IQSEC1: variants seen among roughly 807,000 people sequenced by gnomAD.
IQSEC1 encodes the protein IQ motif and SEC7 domain-containing protein 1.
Under a neutral mutation model 91.0 loss-of-function variants are expected in IQSEC1, and 31 were observed. The observed-to-expected ratio is 0.34, with a 90% confidence interval of 0.26 to 0.46. The LOEUF is 0.46. Ranked by LOEUF, IQSEC1 falls within the 20% of genes least tolerant of loss-of-function variation. The probability of loss-of-function intolerance (pLI) is 1.00; values close to 1 mark genes in which losing one functional copy is unlikely to be tolerated. For missense variants in IQSEC1, 1,388 were observed against 1,575.6 expected (o/e 0.88, Z 2.02); for synonymous variants, 699 against 662.6 (o/e 1.05, Z -0.84).
intron 2 of IQSEC1, among the ~76,000 whole-genome samples, chr3:13,085,337 C>T (rs939818607): frequency 6.6e-6 from 1 of 152,110 alleles, no homozygotes; most frequent in African/African-American, 2.4e-5. Context: ...CTTATCAGAG[C>T]TGCCTGGTGA....
At chr3:13,265,916 CAAAAAA>C (rs34132019) in intron 1 of IQSEC1, among the ~76,000 whole-genome samples, 4 of 110,802 alleles carry the variant, frequency 3.6e-5, no homozygotes, top group African/African-American at 1.4e-4. Context: ...TGCTTTATTG[CAAAAAA>C]AAAAAAAAAA....
chr3:13,065,928 C>T (rs945218808), intron 1 of IQSEC1, among the ~76,000 whole-genome samples: 1 of 152,222 alleles, frequency 6.6e-6, no homozygotes, highest in East Asian at 1.9e-4. Context: ...TGCCCATTGC[C>T]GCAGCAGGGA....
chr3:13,222,117 T>C (rs1694671125), intron 1 of IQSEC1, among the ~76,000 whole-genome samples: 1 of 152,068 alleles, frequency 6.6e-6, no homozygotes, highest in African/African-American at 2.4e-5. Flanking sequence ...ACTGAAACTC[T>C]GCCCCATGAA....
intron 1 of IQSEC1, among the ~76,000 whole-genome samples, chr3:13,036,411 G>A (rs1021806312): frequency 1.3e-5 from 2 of 152,142 alleles, no homozygotes; most frequent in African/African-American, 4.8e-5. Context: ...AAGCCACTTA[G>A]CACATATAAA....
chr3:13,261,487 A>T (rs1025049401), intron 1 of IQSEC1, among the ~76,000 whole-genome samples: 3 of 151,964 alleles, frequency 2.0e-5, no homozygotes, highest in African/African-American at 7.3e-5. Context: ...CCCCTTTCAC[A>T]CAAATCCCAT....
intron 1 of IQSEC1, among the ~76,000 whole-genome samples, chr3:13,213,718 G>T (rs753048960): frequency 6.6e-6 from 1 of 152,144 alleles, no homozygotes; most frequent in Admixed American, 6.5e-5. Context: ...ACATGACCGG[G>T]CCAGTGTGAG....
At chr3:13,054,987 G>A (rs1376065662) in intron 1 of IQSEC1, among the ~76,000 whole-genome samples, 1 of 152,236 alleles carries the variant, frequency 6.6e-6, no homozygotes, top group Non-Finnish European at 1.5e-5. Flanking sequence ...ACTGGCTGAC[G>A]CCCGCCTGTC....
In IQSEC1 at chr3:12,897,253, T is replaced by G. The variant is rs548940540; in HGVS notation, c.*3730A>C. 2 of 152,362 alleles carry G rather than the reference T, an allele frequency of 1.3e-5. No individual in the cohort carries two copies. Among genetic ancestry groups the G allele is most frequent in the South Asian group, 2.1e-4 (1 of 4,832 alleles). 9.4% of individuals were successfully genotyped at this position (152,362 alleles called of 1,614,324 possible). On this transcript the variant is annotated 3_prime_UTR_variant, in exon 14 of 14. Coordinates refer to ENST00000613206, the MANE Select transcript of IQSEC1 (RefSeq NM_001134382.3). ...AAAGGATTTATTTGATTTCCCCACA[T>G]GATCACAACCATGGTTTTACATTGA...
intron 1 of IQSEC1, among the ~76,000 whole-genome samples, chr3:13,032,684 C>T (rs918378121): frequency 2.6e-5 from 4 of 151,894 alleles, no homozygotes; most frequent in Admixed American, 1.3e-4. Context: ...CGCAGGTTCA[C>T]GCCATTCTCC....
At chr3:13,226,948 C>T (rs751346271) in intron 1 of IQSEC1, among the ~76,000 whole-genome samples, 8 of 152,158 alleles carry the variant, frequency 5.3e-5, no homozygotes, top group Non-Finnish European at 7.4e-5. Flanking sequence ...CAGCAGAGTC[C>T]TCCCTGCTGC....
intron 1 of IQSEC1, among the ~76,000 whole-genome samples, chr3:13,064,254 T>C (rs1705165488): frequency 6.6e-6 from 1 of 152,090 alleles, no homozygotes; most frequent in Admixed American, 6.6e-5. Flanking sequence ...AAATACACAA[T>C]AGCTCCATTA....
chr3:13,017,704 G>A (rs149475546), intron 1 of IQSEC1, among the ~76,000 whole-genome samples: 1 of 152,192 alleles, frequency 6.6e-6, no homozygotes, highest in South Asian at 2.1e-4. Flanking sequence ...GATGCAGGGA[G>A]AGGGGGCGGC....
In IQSEC1 at chr3:13,035,090, C is replaced by T. The variant is rs560376363; in HGVS notation, c.23+37902G>A. ...ACCTGAACTTGGCCAGTGAAACTCT[C>T]CTGAGACTTGACAGCTTGAGTGGTG... On this transcript the variant is annotated intron_variant, in intron 1 of 13. Transcript: ENST00000613206. 1.2e-3 allele frequency among the ~76,000 whole-genome samples: 182 copies of T among 152,352 alleles called. 1 individual carries two copies. Among genetic ancestry groups the T allele is most frequent in the African/African-American group, 4.1e-3 (171 of 41,582 alleles).
At chr3:13,121,264 G>A (rs923235646) in intron 2 of IQSEC1, among the ~76,000 whole-genome samples, 15 of 152,148 alleles carry the variant, frequency 9.9e-5, no homozygotes, top group South Asian at 6.2e-4. Context: ...AATAGTTACC[G>A]TCTGGCCCTT....
In IQSEC1 at chr3:12,992,007, G is replaced by T. The variant is rs540507900; in HGVS notation, c.24-50142C>A. On this transcript the variant is annotated intron_variant, in intron 1 of 13. Coordinates refer to ENST00000613206, the MANE Select transcript of IQSEC1 (RefSeq NM_001134382.3). This position sits in a 1 kb window ranked among gnomAD's most constrained non-coding sequence, Gnocchi z 4.1. ...CAAGATTACCTAATGTTTGCAAACCGTGCAGGAGACAGTCCCCTGCAGAGG... is the reference window on the plus strand; with the variant it reads ...CAAGATTACCTAATGTTTGCAAACCTTGCAGGAGACAGTCCCCTGCAGAGG... Among the ~76,000 whole-genome samples, 1 of 152,142 alleles carries T rather than the reference G, an allele frequency of 6.6e-6. No homozygotes were observed. The highest frequency in any genetic ancestry group is 6.5e-5 in the Admixed American group (1 of 15,290).
intron 2 of IQSEC1, among the ~76,000 whole-genome samples, chr3:13,084,715 G>A (rs562322539): frequency 2.6e-5 from 4 of 152,310 alleles, no homozygotes; most frequent in Admixed American, 1.3e-4. Context: ...GCTCTGAACC[G>A]ACTCAGCTCA....
At chr3:13,143,974 G>T (rs1275084392) in intron 2 of IQSEC1, among the ~76,000 whole-genome samples, 1 of 152,150 alleles carries the variant, frequency 6.6e-6, no homozygotes, top group Non-Finnish European at 1.5e-5. Context: ...CTGGCTAAAG[G>T]GAGAGCCCTG....
intron 1 of IQSEC1, among the ~76,000 whole-genome samples, chr3:12,975,886 C>T (rs567675425): frequency 3.3e-5 from 5 of 152,182 alleles, no homozygotes; most frequent in South Asian, 2.1e-4. Context: ...AAGACCTCTG[C>T]GGGAAGAAAG....
At chr3:13,037,628 A>G (rs759272806) in intron 1 of IQSEC1, among the ~76,000 whole-genome samples, 1 of 152,218 alleles carries the variant, frequency 6.6e-6, no homozygotes, top group Non-Finnish European at 1.5e-5. Flanking sequence ...CCATTCGTGG[A>G]TGAAAGGATA....
Sources: gnomAD v4.1 joint callset for allele counts (sites outside exome capture counted in the v4.1 genomes callset) on GRCh38, gnomAD v4.1.1 for gene constraint, Gnocchi (gnomAD v3.1) non-coding constraint, MANE v1.5 for transcripts, NCBI Gene and HGNC (gene_info 2026-07-23, HGNC 2026-07-21) for gene names.